RBFOX1: variants seen among roughly 807,000 people sequenced by gnomAD.
The protein encoded by RBFOX1 is RNA binding fox-1 homolog 1, also known as RNA binding protein fox-1 homolog 1.
Under a neutral mutation model 57.7 loss-of-function variants are expected in RBFOX1, and 8 were observed. The ratio of observed to expected loss-of-function variants is 0.14; its 90% CI spans 0.08 to 0.25. The LOEUF (loss-of-function observed/expected upper bound fraction) is 0.25, where lower values mean the gene tolerates loss of function less well. RBFOX1 is among the 10% of genes least tolerant of loss of function. RBFOX1 has a pLI of 1.00. For synonymous variants in RBFOX1, 326 were observed against 222.4 expected (o/e 1.47, Z -4.15); for missense variants, 611 against 548.5 (o/e 1.11, Z -1.14).
chr16:7,705,022 T>A (rs1176282692), intron 14 of RBFOX1, among the ~76,000 whole-genome samples: 1 of 134,968 alleles, frequency 7.4e-6, no homozygotes, highest in Non-Finnish European at 1.5e-5. Context: ...CCAGCCGAGG[T>A]GACAGAGCAA....
At chr16:5,325,559 C>T (rs765354106) in intron 1 of RBFOX1, among the ~76,000 whole-genome samples, 7 of 152,190 alleles carry the variant, frequency 4.6e-5, no homozygotes, top group Non-Finnish European at 8.8e-5. Flanking sequence ...GCTCCATCCA[C>T]CCCCAAACAC....
intron 1 of RBFOX1, among the ~76,000 whole-genome samples, chr16:5,301,518 C>T (rs1029490266): frequency 2.0e-5 from 3 of 148,336 alleles, no homozygotes; most frequent in African/African-American, 7.4e-5. Context: ...ACTCGGGAAG[C>T]TGAGGCAGGA....
chr16:6,743,174 A>T (rs567355728), intron 3 of RBFOX1, among the ~76,000 whole-genome samples: 2 of 152,204 alleles, frequency 1.3e-5, no homozygotes, highest in African/African-American at 2.4e-5. Context: ...CACTAAAAAG[A>T]TGAAATGTAG....
chr16:5,709,809 T>TATATATATATA (rs1555506306), intron 3 of RBFOX1, among the ~76,000 whole-genome samples: 1 of 14,460 alleles, frequency 6.9e-5, no homozygotes, highest in African/African-American at 3.2e-4. Flanking sequence ...ATCAGTTTCT[T>TATATATATATA]TATATATATA....
intron 4 of RBFOX1, among the ~76,000 whole-genome samples, chr16:7,144,006 C>A (rs1049717782): frequency 6.6e-6 from 1 of 152,050 alleles, no homozygotes; most frequent in Non-Finnish European, 1.5e-5. Flanking sequence ...TTGGAACATT[C>A]ATAGTTTGGT....
At chr16:7,000,596 C>CTTTTTTTTTTTTTTTTTTTTTTTT (rs759103545) in intron 3 of RBFOX1, among the ~76,000 whole-genome samples, 9 of 92,596 alleles carry the variant, frequency 9.7e-5, no homozygotes, top group African/African-American at 1.3e-4. Flanking sequence ...CTTTTTCTTT[C>CTTTTTTTTTTTTTTTTTTTTTTTT]TTTTTTTTTT....
intron 4 of RBFOX1, among the ~76,000 whole-genome samples, chr16:7,430,387 C>A: frequency 6.6e-6 from 1 of 152,246 alleles, no homozygotes; most frequent in Middle Eastern, 3.4e-3. Context: ...CTAGGCTGGG[C>A]GCAGTGGCTC....
chr16:7,189,729 T>G (rs1487814126), intron 4 of RBFOX1, among the ~76,000 whole-genome samples: 1 of 152,216 alleles, frequency 6.6e-6, no homozygotes, highest in Non-Finnish European at 1.5e-5. Context: ...AGGTCAGCAG[T>G]TCCCGTGGTT....
intron 4 of RBFOX1, among the ~76,000 whole-genome samples, chr16:5,929,807 C>G (rs2059011955): frequency 6.6e-6 from 1 of 150,672 alleles, no homozygotes; most frequent in African/African-American, 2.4e-5. Flanking sequence ...GAACAGAACT[C>G]ACTAAGAGCT....
chr16:7,570,222 C>T (rs997446159), intron 5 of RBFOX1, among the ~76,000 whole-genome samples: 2 of 149,700 alleles, frequency 1.3e-5, no homozygotes, highest in African/African-American at 4.9e-5. Context: ...ATATCACTTA[C>T]ATTTTATTTT....
At chr16:6,110,856 G>T (rs1441126486) in intron 1 of RBFOX1, among the ~76,000 whole-genome samples, 1 of 152,160 alleles carries the variant, frequency 6.6e-6, no homozygotes, top group African/African-American at 2.4e-5. Context: ...TAATTCTCCA[G>T]TGCACAGCAC....
intron 3 of RBFOX1, among the ~76,000 whole-genome samples, chr16:6,702,012 T>C (rs1255055535): frequency 6.6e-6 from 1 of 152,046 alleles, no homozygotes; most frequent in East Asian, 1.9e-4. Context: ...ATTACCTGGG[T>C]GACAAAATAA....
At chr16:5,790,551 A>G (rs1226975009) in intron 3 of RBFOX1, among the ~76,000 whole-genome samples, 2 of 151,778 alleles carry the variant, frequency 1.3e-5, no homozygotes, top group Non-Finnish European at 2.9e-5. Context: ...AATGTAGCAC[A>G]TGTGGTAAAA....
intron 2 of RBFOX1, among the ~76,000 whole-genome samples, chr16:6,563,895 T>A (rs1019530749): frequency 2.6e-5 from 4 of 151,864 alleles, no homozygotes; most frequent in African/African-American, 9.7e-5. Flanking sequence ...TGTGTGTATA[T>A]GTGCGTATAT....
At chr16:5,301,704 A>T (rs1264523512) in intron 1 of RBFOX1, among the ~76,000 whole-genome samples, 1 of 152,034 alleles carries the variant, frequency 6.6e-6, no homozygotes, top group African/African-American at 2.4e-5. Flanking sequence ...TCCTTGAGAT[A>T]ACTGCCACCC....
At chr16:5,892,934 A>G (rs2058080668) in intron 4 of RBFOX1, among the ~76,000 whole-genome samples, 2 of 152,118 alleles carry the variant, frequency 1.3e-5, no homozygotes, top group African/African-American at 4.8e-5. Context: ...GCTTTACCCT[A>G]AAGCTGGCCT....
intron 4 of RBFOX1, among the ~76,000 whole-genome samples, chr16:5,992,562 T>C (rs2060419355): frequency 6.6e-6 from 1 of 152,088 alleles, no homozygotes; most frequent in African/African-American, 2.4e-5. Flanking sequence ...GTGTGTGTGC[T>C]TATGTGTGTG....
At chr16:6,616,831 G>A (rs550318816) in intron 2 of RBFOX1, among the ~76,000 whole-genome samples, 12 of 152,170 alleles carry the variant, frequency 7.9e-5, no homozygotes, top group Non-Finnish European at 1.2e-4. Flanking sequence ...CTAACATCAC[G>A]GAATGGCAAA....
intron 4 of RBFOX1, among the ~76,000 whole-genome samples, chr16:7,151,599 G>A (rs185810325): frequency 2.6e-5 from 4 of 152,248 alleles, no homozygotes; most frequent in African/African-American, 9.6e-5. Context: ...ATGGGAAAAT[G>A]GAGGGAATGA....
Sources: allele counts gnomAD v4.1 joint callset (sites outside exome capture counted in the v4.1 genomes callset), GRCh38; gene constraint gnomAD v4.1.1; transcripts MANE v1.5; gene names NCBI Gene and HGNC (gene_info 2026-07-23, HGNC 2026-07-21).